The following GREM2 variants were observed in gnomAD, a reference collection of about 807,000 sequenced individuals.
The protein encoded by GREM2 is gremlin 2, DAN family BMP antagonist, also known as gremlin-2.
Under a neutral mutation model 14.2 loss-of-function variants are expected in GREM2, and 11 were observed. The ratio of observed to expected loss-of-function variants is 0.78; its 90% CI spans 0.49 to 1.28. The LOEUF is 1.28. GREM2 is among the 50% of genes most tolerant of loss of function. The pLI is 0.00. For missense variants in GREM2, 210 were observed against 218.5 expected (o/e 0.96, Z 0.24); for synonymous variants, 98 against 97.6 (o/e 1.00, Z -0.02).
At chr1:240,549,781 T>C (rs1678807971) in intron 1 of GREM2, 3 of 152,276 alleles carry the variant, frequency 2.0e-5, no homozygotes, top group Non-Finnish European at 1.5e-5. Flanking sequence ...CAGATCTCCA[T>C]GTATGAAAAG....
At chr1:240,545,349 T>G (rs1025875674) in intron 1 of GREM2, among the ~76,000 whole-genome samples, 19 of 152,230 alleles carry the variant, frequency 1.2e-4, no homozygotes, top group Non-Finnish European at 2.2e-4. Context: ...GCATGGAAGC[T>G]CCACGCCTCT....
intron 1 of GREM2, among the ~76,000 whole-genome samples, chr1:240,515,645 A>C (rs1261923346): frequency 6.6e-6 from 1 of 152,212 alleles, no homozygotes; most frequent in Non-Finnish European, 1.5e-5. Flanking sequence ...ACTTAAAGAA[A>C]AAGGGATAGG....
At chr1:240,511,501 A>T (rs1055112617) in intron 1 of GREM2, among the ~76,000 whole-genome samples, 1 of 152,228 alleles carries the variant, frequency 6.6e-6, no homozygotes, top group African/African-American at 2.4e-5. Flanking sequence ...CTGTAATCCC[A>T]GCACTTTGGG....
intron 1 of GREM2, among the ~76,000 whole-genome samples, chr1:240,569,651 A>G (rs1294508907): frequency 2.6e-5 from 4 of 152,148 alleles, no homozygotes; most frequent in Middle Eastern, 3.2e-3. Flanking sequence ...ATAGATGGGG[A>G]AAAAAATATG....
intron 1 of GREM2, among the ~76,000 whole-genome samples, chr1:240,497,522 G>A (rs1484672132): frequency 6.6e-6 from 1 of 151,942 alleles, no homozygotes; most frequent in Non-Finnish European, 1.5e-5. Context: ...AAGTAAGTGG[G>A]TCCCTTGAAA....
chr1:240,551,409 C>A (rs996895766), intron 1 of GREM2, among the ~76,000 whole-genome samples: 1 of 152,026 alleles, frequency 6.6e-6, no homozygotes, highest in Non-Finnish European at 1.5e-5. Context: ...TGTGCAATGG[C>A]GCAATCTCGG....
chr1:240,497,154 C>G (rs1181225839), intron 1 of GREM2, among the ~76,000 whole-genome samples: 1 of 152,166 alleles, frequency 6.6e-6, no homozygotes, highest in African/African-American at 2.4e-5. Context: ...TGGCCTGGGT[C>G]CTTGTGGTAG....
chr1:240,512,159 C>T (rs1428583154), intron 1 of GREM2, among the ~76,000 whole-genome samples: 2 of 151,864 alleles, frequency 1.3e-5, no homozygotes, highest in East Asian at 3.9e-4. Context: ...TAGTGAAGGA[C>T]AAAGGAAAAT....
At chr1:240,592,247 C>T (rs1477707159) in intron 1 of GREM2, among the ~76,000 whole-genome samples, 1 of 152,084 alleles carries the variant, frequency 6.6e-6, no homozygotes. Context: ...TGCAATCAGA[C>T]TTGTAAGACA....
intron 1 of GREM2, among the ~76,000 whole-genome samples, chr1:240,529,796 TC>T (rs1678312489): frequency 1.3e-5 from 2 of 152,332 alleles, no homozygotes; most frequent in African/African-American, 2.4e-5. Flanking sequence ...GTATCCTTAA[TC>T]CCTTTAGATT....
intron 1 of GREM2, among the ~76,000 whole-genome samples, chr1:240,545,510 G>C (rs1415861078): frequency 2.2e-5 from 1 of 44,876 alleles, no homozygotes; most frequent in Non-Finnish European, 3.8e-5. Context: ...TGTACAAATT[G>C]TACAAAATTG....
chr1:240,498,801 G>C (rs1461645426), intron 1 of GREM2, among the ~76,000 whole-genome samples: 1 of 152,168 alleles, frequency 6.6e-6, no homozygotes, highest in Non-Finnish European at 1.5e-5. Context: ...CTCACATCTT[G>C]TATTTGGCTT....
At chr1:240,547,532 T>TATATATATATAGACAGATAG (rs1187770486) in intron 1 of GREM2, among the ~76,000 whole-genome samples, 27 of 121,840 alleles carry the variant, frequency 2.2e-4, no homozygotes, top group East Asian at 9.3e-4. Context: ...TATATATATA[T>TATATATATATAGACAGATAG]ATAGATAGAT....
intron 1 of GREM2, among the ~76,000 whole-genome samples, chr1:240,562,792 TGTATGTGA>T (rs1468959063): frequency 2.0e-5 from 3 of 151,820 alleles, no homozygotes; most frequent in Admixed American, 6.6e-5. Context: ...TGTGTATGTG[TGTATGTGA>T]GTGTGTATGT....
In GREM2 at chr1:240,542,443, T is replaced by TA. The variant is rs34602345; in HGVS notation, c.-1-48968dup. ...AACATGGCGAAACCCCCATCTCTAC[T>TA]AAAAAAAAAAAAAAAAAAAAAATTA... On this transcript the variant is annotated intron_variant, in intron 1 of 1. Transcript: ENST00000318160. The surrounding 1 kb of genome is among the most constrained non-coding windows in gnomAD (Gnocchi z 4.1). Among the ~76,000 whole-genome samples the TA allele has an allele frequency of 0.018, 2,022 of 113,302 alleles. 25 individuals carry two copies. The highest frequency in any genetic ancestry group is 0.03 in the Middle Eastern group (7 of 230). The allele number at this position is 113,302 out of a possible 152,430, so 74.3% of individuals were successfully genotyped here.
At chr1:240,559,918 C>T (rs1679009902) in intron 1 of GREM2, among the ~76,000 whole-genome samples, 1 of 152,040 alleles carries the variant, frequency 6.6e-6, no homozygotes, top group South Asian at 2.1e-4. Flanking sequence ...ATGGCACAGG[C>T]GCCTTTATCT....
intron 1 of GREM2, among the ~76,000 whole-genome samples, chr1:240,522,085 A>G (rs1572380033): frequency 6.9e-6 from 1 of 145,858 alleles, no homozygotes; most frequent in African/African-American, 2.6e-5. Flanking sequence ...ACACCACCAC[A>G]CCCCAGCCTG....
intron 1 of GREM2, among the ~76,000 whole-genome samples, chr1:240,573,401 T>C (rs1478220161): frequency 2.6e-5 from 4 of 152,220 alleles, no homozygotes; most frequent in African/African-American, 7.2e-5. Context: ...GCTTCGTATA[T>C]AGAACTCTAC....
At chr1:240,518,804 G>C (rs796220730) in intron 1 of GREM2, among the ~76,000 whole-genome samples, 3 of 152,276 alleles carry the variant, frequency 2.0e-5, no homozygotes, top group African/African-American at 7.2e-5. Context: ...TGCGTGGCTT[G>C]GTGCTACCAA....
Sources: allele counts gnomAD v4.1 joint callset (sites outside exome capture counted in the v4.1 genomes callset), GRCh38; gene constraint gnomAD v4.1.1; non-coding constraint Gnocchi (gnomAD v3.1); transcripts MANE v1.5; gene names NCBI Gene and HGNC (gene_info 2026-07-23, HGNC 2026-07-21).